Variants in SPPL3 observed in about 807,000 individuals in gnomAD.
SPPL3 encodes signal peptide peptidase like 3.
A neutral mutation model predicts 42.4 loss-of-function variants in SPPL3; 5 were observed. The observed-to-expected ratio is 0.12, with a 90% CI of 0.06 to 0.25. The LOEUF (loss-of-function observed/expected upper bound fraction) is 0.25, where lower values mean the gene tolerates loss of function less well. SPPL3 is among the 10% of genes least tolerant of loss of function. The pLI is 1.00. For missense variants in SPPL3, 235 were observed against 489.0 expected, an observed-to-expected ratio of 0.48 and a Z score of 4.90; for synonymous variants, 195 against 181.8, an observed-to-expected ratio of 1.07 and a Z score of -0.58.
intron 1 of SPPL3, among the ~76,000 whole-genome samples, chr12:120,868,605 C>T (rs1872832324): frequency 6.6e-6 from 1 of 152,168 alleles, no homozygotes; most frequent in Non-Finnish European, 1.5e-5. Flanking sequence ...CCTCAGCCTC[C>T]CAAGTAGCTG....
rs1593020389 is a variant in SPPL3 at position 120,903,860 on chromosome 12, T to C, written c.8A>G (p.Glu3Gly). Reference sequence around the variant, plus strand: ...CCGCACTCACCACGAGTAGGTCTGCTCCGCCATGGCGCTGCCTCTCGTGGG... The same window carrying C: ...CCGCACTCACCACGAGTAGGTCTGCCCCGCCATGGCGCTGCCTCTCGTGGG... MA[E>G]QTYSWAYSLV... The change falls in exon 1 of 11, where the codon GAG (glutamate) becomes GGG (glycine). Residue 3 changes from glutamate to glycine, a missense_variant. Physicochemically the swap from Glu to Gly is moderately conservative, Grantham distance 98. This residue lies in a region of SPPL3 where 110 missense variants were observed against 186.2 expected (regional missense o/e 0.59). Transcript: ENST00000353487. The C allele has an allele frequency of 1.4e-6, 2 of 1,457,186 alleles. No individual in the cohort carries two copies. Among genetic ancestry groups the C allele is most frequent in the East Asian group, 3.0e-5 (1 of 33,312 alleles). 90.3% of individuals were successfully genotyped at this position (1,457,186 alleles called of 1,614,324 possible). A position where few individuals can be genotyped will look rare whatever the true frequency, so the allele number is the denominator to read the frequency against.
chr12:120,784,619 A>C (rs759316407), intron 3 of SPPL3, 26 bp from the exon 4 acceptor site: 1 of 1,579,538 alleles, frequency 6.3e-7, no homozygotes, highest in Non-Finnish European at 8.6e-7. Flanking sequence ...AGACAGATTA[A>C]TAACTTATTA....
rs145086434 is a variant in SPPL3 at position 120,828,054 on chromosome 12, T to C, written c.24-17168A>G. On this transcript the variant is annotated intron_variant, in intron 1 of 10. Transcript: ENST00000353487. ...CTGCCTGCCTCAGCCTCCCAAAGTG[T>C]TGGGATTACAGGCATGAGCCACCAC... Among the ~76,000 whole-genome samples, 648 of 152,288 alleles carry C rather than the reference T, an allele frequency of 4.3e-3. 7 individuals carry two copies. The highest frequency in any genetic ancestry group is 0.014 in the African/African-American group (597 of 41,582).
At chr12:120,883,336 T>C (rs1175091258) in intron 1 of SPPL3, among the ~76,000 whole-genome samples, 1 of 151,984 alleles carries the variant, frequency 6.6e-6, no homozygotes, top group Non-Finnish European at 1.5e-5. Flanking sequence ...AAAAACAAAC[T>C]TAATTCTAGA....
intron 1 of SPPL3, among the ~76,000 whole-genome samples, chr12:120,849,192 A>G (rs1050721340): frequency 3.9e-5 from 6 of 152,172 alleles, no homozygotes; most frequent in African/African-American, 7.2e-5. Context: ...ACAAAAAACA[A>G]AAGAAAACAA....
intron 8 of SPPL3, among the ~76,000 whole-genome samples, chr12:120,768,043 G>A (rs1180683524): frequency 6.6e-6 from 1 of 152,168 alleles, no homozygotes; most frequent in Non-Finnish European, 1.5e-5. Flanking sequence ...CAAGTTAAAA[G>A]GATCGAGATT....
At chr12:120,876,702 T>G (rs1423274916) in intron 1 of SPPL3, among the ~76,000 whole-genome samples, 1 of 150,602 alleles carries the variant, frequency 6.6e-6, no homozygotes, top group Admixed American at 6.6e-5. Flanking sequence ...ATGTACAGCA[T>G]GCAGCTAAAA....
At position 120,892,709 on chromosome 12, in the gene SPPL3, G is replaced by A. The variant is rs369855749; in HGVS notation, c.23+11136C>T. Among the ~76,000 whole-genome samples, 11 of 152,202 alleles carry A rather than the reference G, an allele frequency of 7.2e-5. No individual in the cohort carries two copies. The South Asian group carries it at 1.2e-3, about 17-fold the overall frequency. ...TACAACCCAAAATTAGAGGCCAGGCGCGGTGGCTCACGCCTGTAATCCCAG... is the reference window on the plus strand; with the variant it reads ...TACAACCCAAAATTAGAGGCCAGGCACGGTGGCTCACGCCTGTAATCCCAG... On this transcript the variant is annotated intron_variant, in intron 1 of 10. Transcript: ENST00000353487.
At chr12:120,826,450 CAGTT>C (rs936144008) in intron 1 of SPPL3, among the ~76,000 whole-genome samples, 12 of 152,186 alleles carry the variant, frequency 7.9e-5, no homozygotes, top group Admixed American at 3.3e-4. Context: ...GTGGCAGAGA[CAGTT>C]AGAGGTCACA....
intron 1 of SPPL3, among the ~76,000 whole-genome samples, chr12:120,856,503 CTT>C (rs35137934): frequency 5.7e-4 from 51 of 89,194 alleles, no homozygotes; most frequent in East Asian, 7.5e-4. Context: ...CAATTTTCAT[CTT>C]TTTTTTTTTT....
intron 1 of SPPL3, among the ~76,000 whole-genome samples, chr12:120,864,056 T>C (rs1385389675): frequency 6.6e-6 from 1 of 152,190 alleles, no homozygotes; most frequent in African/African-American, 2.4e-5. Flanking sequence ...TCTGTTACAT[T>C]AAAATCCATG....
At chr12:120,863,173 C>A (rs762885276) in intron 1 of SPPL3, among the ~76,000 whole-genome samples, 7 of 151,986 alleles carry the variant, frequency 4.6e-5, no homozygotes, top group Non-Finnish European at 1.0e-4. Flanking sequence ...CATGGTGAAA[C>A]CCTATCTTTA....
chr12:120,828,671 C>T (rs1334712183), intron 1 of SPPL3, among the ~76,000 whole-genome samples: 1 of 152,206 alleles, frequency 6.6e-6, no homozygotes, highest in Non-Finnish European at 1.5e-5. Flanking sequence ...GAGGAATACA[C>T]GTACTGTTCA....
At chr12:120,848,281 C>T (rs1872109470) in intron 1 of SPPL3, among the ~76,000 whole-genome samples, 1 of 152,184 alleles carries the variant, frequency 6.6e-6, no homozygotes, top group African/African-American at 2.4e-5. Flanking sequence ...TGTACAGGAT[C>T]AGGATATATC....
intron 1 of SPPL3, among the ~76,000 whole-genome samples, chr12:120,841,317 C>A (rs1189821806): frequency 6.6e-6 from 1 of 151,888 alleles, no homozygotes; most frequent in East Asian, 1.9e-4. Flanking sequence ...AAGAGCGAAA[C>A]TCCATCTCAG....
At chr12:120,880,630 A>G (rs1422057396) in intron 1 of SPPL3, among the ~76,000 whole-genome samples, 6 of 151,964 alleles carry the variant, frequency 3.9e-5, no homozygotes, top group Admixed American at 1.3e-4. Flanking sequence ...TACTAAAAAT[A>G]CAAAAAATTA....
chr12:120,838,991 A>T (rs1160145710), intron 1 of SPPL3, among the ~76,000 whole-genome samples: 2 of 152,128 alleles, frequency 1.3e-5, no homozygotes, highest in Non-Finnish European at 2.9e-5. Flanking sequence ...CATTTGACCC[A>T]GCCATCCCAT....
At chr12:120,784,183 C>T (rs753126399) in intron 4 of SPPL3, 6 of 252,468 alleles carry the variant, frequency 2.4e-5, no homozygotes, top group Non-Finnish European at 3.8e-5. Context: ...CTAGAAAAAG[C>T]GCCACAGCCA....
chr12:120,818,150 C>T (rs577349606), intron 1 of SPPL3, among the ~76,000 whole-genome samples: 14 of 152,210 alleles, frequency 9.2e-5, no homozygotes, highest in African/African-American at 2.6e-4. Context: ...AGGCTCTGGG[C>T]GGACATGAAA....
Sources: gnomAD v4.1 joint callset for allele counts (sites outside exome capture counted in the v4.1 genomes callset) on GRCh38, gnomAD v4.1.1 for gene constraint, gnomAD v4.1.1 regional missense constraint, MANE v1.5 for transcripts, NCBI Gene and HGNC (gene_info 2026-07-23, HGNC 2026-07-21) for gene names.